Variants in EPG5 observed in about 807,000 individuals in gnomAD.
The protein encoded by EPG5 is ectopic P-granules 5 autophagy tethering factor.
Under a neutral mutation model 302.7 loss-of-function variants are expected in EPG5, and 159 were observed. That is an observed-to-expected ratio of 0.53 (90% CI 0.46 to 0.60). The LOEUF (loss-of-function observed/expected upper bound fraction) is 0.60. Among genes scored for constraint, EPG5 ranks in the 20% least tolerant of loss-of-function variants. The pLI, the probability that EPG5 is intolerant of heterozygous loss-of-function variation, is 0.00. For missense variants in EPG5, 2,896 were observed against 3,092.4 expected (o/e 0.94, Z 1.51); for synonymous variants, 1,158 against 1,136.8 (o/e 1.02, Z -0.37).
intron 1 of EPG5, among the ~76,000 whole-genome samples, chr18:45,960,551 A>G (rs2051127191): frequency 6.6e-6 from 1 of 152,246 alleles, no homozygotes; most frequent in South Asian, 2.1e-4. Flanking sequence ...AAGTCATTCA[A>G]ATGGAGAAAC....
chr18:45,856,657 A>G (rs959749552), intron 42 of EPG5, among the ~76,000 whole-genome samples: 2 of 152,264 alleles, frequency 1.3e-5, no homozygotes, highest in Admixed American at 6.5e-5. Context: ...AAACAAAAAA[A>G]CATGACGTTA....
At position 45,901,048 on chromosome 18, in the gene EPG5, C is replaced by T. The variant is rs767422149; in HGVS notation, c.4594G>A (p.Asp1532Asn). Residue 1532 changes from aspartate (D) to asparagine (N), a missense_variant, in exon 26 of 44, where the codon GAC (aspartate) becomes AAC (asparagine). Physicochemically the swap from Asp to Asn is conservative, Grantham distance 23. Around this residue, in one of 5 missense-constraint regions of EPG5, gnomAD observed 790 missense variants for 798.0 expected, o/e 0.99. Transcript: ENST00000282041. ...TCTGTGCACACCAGCTGGGTGGCGT[C>T]CTTCTGACTCAATAGCACAGCAGAG... is the stretch of plus-strand genomic sequence containing the variant. The part of the protein sequence containing the change: ...ISSAVLLSQK[D>N]ATQLVCTDLN... 1 of 1,614,166 alleles carries T rather than the reference C, an allele frequency of 6.2e-7. No individual in the cohort carries two copies.
At chr18:45,947,956 G>A (rs1443630779) in intron 6 of EPG5, among the ~76,000 whole-genome samples, 1 of 151,994 alleles carries the variant, frequency 6.6e-6, no homozygotes, top group Non-Finnish European at 1.5e-5. Flanking sequence ...TGTATTTTTA[G>A]TAGAGACGGA....
chr18:45,932,785 G>A (rs1270353959), intron 11 of EPG5, among the ~76,000 whole-genome samples: 1 of 152,152 alleles, frequency 6.6e-6, no homozygotes, highest in Non-Finnish European at 1.5e-5. Context: ...CCTGTGTCAG[G>A]TGATACAGGC....
At chr18:45,901,509 T>C (rs1046277682) in intron 25 of EPG5, among the ~76,000 whole-genome samples, 16 of 152,050 alleles carry the variant, frequency 1.1e-4, no homozygotes, top group Non-Finnish European at 2.1e-4. Flanking sequence ...GTCACCCAGT[T>C]AAGGTTTTAA....
At chr18:45,814,369 G>T in the EPG5 span, among the ~76,000 whole-genome samples, 1 of 152,186 alleles carries the variant, frequency 6.6e-6, no homozygotes, top group African/African-American at 2.4e-5. Flanking sequence ...CTAGATTAAA[G>T]AAGACTAAAG....
At chr18:45,917,972 G>A (rs557857184) in intron 16 of EPG5, among the ~76,000 whole-genome samples, 153 bp from the exon 17 acceptor site, 110 of 152,238 alleles carry the variant, frequency 7.2e-4, no homozygotes, top group African/African-American at 2.1e-3. Context: ...ACTAAACCCA[G>A]AATTCTAGAA....
rs150230696 is a variant in EPG5 at position 45,919,459 on chromosome 18, T to C, written c.3099-1640A>G. On this transcript the variant is annotated intron_variant, in intron 16 of 43. Coordinates refer to ENST00000282041, the MANE Select transcript of EPG5 (RefSeq NM_020964.3). ...AAATCATAAAACACTTAAGTTCAGA[T>C]AACTGCACTCAAGAGAATCACGTCA... 5.3e-3 allele frequency among the ~76,000 whole-genome samples: 799 copies of C among 151,280 alleles called. 6 individuals are homozygous for C. Among genetic ancestry groups the C allele is most frequent in the African/African-American group, 0.018 (744 of 41,264 alleles).
rs370662035 is a variant in EPG5, at chr18:45,913,775, G to A, written c.3747C>T (p.Ser1249=). Residue 1249 remains serine, a synonymous_variant, in exon 21 of 44, where the codon TCC becomes TCT. Transcript: ENST00000282041. The stretch of plus-strand genomic sequence containing the variant: ...CCCCTTCAATAACTCTCCGGAGCTG[G>A]GAGTCCTCTTCAAAGATGGATTCCA... ...LNMESIFEED[S]QLRRVIEGEL... 8 of 1,613,946 alleles carry A rather than the reference G, an allele frequency of 5.0e-6. No homozygotes were observed. The highest frequency in any genetic ancestry group is 6.8e-6 in the Non-Finnish European group (8 of 1,180,006).
chr18:45,966,832 G>C (rs753017023), intron 1 of EPG5, among the ~76,000 whole-genome samples: 10 of 152,164 alleles, frequency 6.6e-5, no homozygotes, highest in Non-Finnish European at 1.5e-4. Context: ...ATATAAAAGA[G>C]TAAAGAGAGA....
rs552421322 is a variant in EPG5 at position 45,945,416 on chromosome 18, G to A, written c.1677+1247C>T. On this transcript the variant is annotated intron_variant, in intron 7 of 43. Transcript: ENST00000282041. ...AATTCAGAGTGCCTTCCTCCCTACA[G>A]CCTTTTCTGAGGTAATGGCACTCCC... 2.6e-5 allele frequency among the ~76,000 whole-genome samples: 4 copies of A among 152,220 alleles called. No individual in the cohort carries two copies. The South Asian group carries it at 8.3e-4, about 32-fold the overall frequency.
Position 45,878,927 on chromosome 18 carries a change from A to G in EPG5, c.5869+86T>C, listed in dbSNP as rs867467671. On this transcript the variant is annotated intron_variant, in intron 33 of 43. Coordinates refer to ENST00000282041, the MANE Select transcript of EPG5 (RefSeq NM_020964.3). Reference sequence around the variant, plus strand: ...TTCTACTTTCTCTCCTTGACACTCAATATAAATCTCTTAATGTGCCTATTT... The same window carrying G: ...TTCTACTTTCTCTCCTTGACACTCAGTATAAATCTCTTAATGTGCCTATTT... 2.2e-5 allele frequency: 24 copies of G among 1,067,060 alleles called. No homozygotes were observed. In the Middle Eastern group the frequency reaches 2.0e-3, roughly 90 times the overall value. The allele number at this position is 1,067,060 out of a possible 1,614,324, so 66.1% of individuals were successfully genotyped here. A position where few individuals can be genotyped will look rare whatever the true frequency, so the allele number is the denominator to read the frequency against.
intron 14 of EPG5, among the ~76,000 whole-genome samples, chr18:45,924,618 G>A (rs1223429089): frequency 6.6e-6 from 1 of 152,198 alleles, no homozygotes; most frequent in Non-Finnish European, 1.5e-5. Context: ...AGGCAGAGAA[G>A]GTCTTTTAAC....
In EPG5 at chr18:45,917,804, A is replaced by G. The variant is rs1213183628; in HGVS notation, c.3114T>C (p.Cys1038=). The G allele has an allele frequency of 1.2e-6, 2 of 1,614,152 alleles. No individual in the cohort carries two copies. Among genetic ancestry groups the G allele is most frequent in the South Asian group, 1.1e-5 (1 of 91,082 alleles). ...TTCCCAATAGTGGGATGCCTTCTGCACAGAACTTCTCAATGCTATGGAAAA... is the reference window on the plus strand; with the variant it reads ...TTCCCAATAGTGGGATGCCTTCTGCGCAGAACTTCTCAATGCTATGGAAAA... ...TAVGHSIEKF[C]AEGIPLLGIL... Residue 1038 remains cysteine (C), a synonymous_variant, in exon 17 of 44, where the codon TGT becomes TGC. Coordinates refer to ENST00000282041, the MANE Select transcript of EPG5 (RefSeq NM_020964.3).
At chr18:45,890,494 T>G (rs978316367) in intron 27 of EPG5, among the ~76,000 whole-genome samples, 1 of 152,188 alleles carries the variant, frequency 6.6e-6, no homozygotes, top group Non-Finnish European at 1.5e-5. Flanking sequence ...ATTCACCAAT[T>G]TAGGTTCCTA....
chr18:45,893,846 A>C (rs2049408924), intron 27 of EPG5, among the ~76,000 whole-genome samples: 1 of 152,236 alleles, frequency 6.6e-6, no homozygotes, highest in Non-Finnish European at 1.5e-5. Context: ...ATTTTTAATA[A>C]GAAAAAGTTC....
chr18:45,966,773 A>G (rs544992097), intron 1 of EPG5, among the ~76,000 whole-genome samples: 1 of 152,268 alleles, frequency 6.6e-6, no homozygotes, highest in East Asian at 1.9e-4. Flanking sequence ...CGCGTGGAGG[A>G]GGGGAACATT....
chr18:45,837,958 A>G, the EPG5 span: 1 of 1,418,730 alleles, frequency 7.0e-7, no homozygotes, highest in Non-Finnish European at 9.1e-7. Context: ...GCCCCGCCCC[A>G]AGGGCTACGT....
chr18:45,883,478 T>TC (rs1555667564), intron 30 of EPG5, among the ~76,000 whole-genome samples: 5 of 149,446 alleles, frequency 3.3e-5, no homozygotes, highest in East Asian at 3.9e-4. Flanking sequence ...TTTTTTTTTT[T>TC]CACAACAGGT....
Sources: allele counts gnomAD v4.1 joint callset (sites outside exome capture counted in the v4.1 genomes callset), GRCh38; gene constraint gnomAD v4.1.1; regional missense constraint gnomAD v4.1.1; transcripts MANE v1.5; gene names NCBI Gene and HGNC (gene_info 2026-07-23, HGNC 2026-07-21).